Variants in DAB2IP observed in about 807,000 individuals in gnomAD.
DAB2IP encodes DAB2 interacting protein.
A neutral mutation model predicts 107.2 loss-of-function variants in DAB2IP; 28 were observed. The observed-to-expected ratio is 0.26, with a 90% CI of 0.19 to 0.36. The LOEUF (loss-of-function observed/expected upper bound fraction) is 0.36. Among genes scored for constraint, DAB2IP ranks in the 10% least tolerant of loss-of-function variants. The pLI, the probability that DAB2IP is intolerant of heterozygous loss-of-function variation, is 1.00. For synonymous variants in DAB2IP, 755 were observed against 706.4 expected (o/e 1.07, Z -1.09); for missense variants, 1,400 against 1,644.7 (o/e 0.85, Z 2.57).
intron 1 of DAB2IP, among the ~76,000 whole-genome samples, chr9:121,585,117 C>A (rs180809297): frequency 6.6e-5 from 10 of 152,294 alleles, no homozygotes; most frequent in African/African-American, 2.4e-4. Flanking sequence ...CCAACTCCTC[C>A]ATTTATCTAC....
chr9:121,599,031 C>A lies in DAB2IP; in HGVS notation c.40+31803C>A, dbSNP rs772384546. 4.6e-5 allele frequency among the ~76,000 whole-genome samples: 7 copies of A among 152,144 alleles called. No individual in the cohort carries two copies. The highest frequency in any genetic ancestry group is 1.3e-4 in the Admixed American group (2 of 15,284). ...CTTCCCTGTGACACCCCGCACTGTCCCCTTCCCAAGCTCTAGTTCCCCCCA... is the reference window on the plus strand; with the variant it reads ...CTTCCCTGTGACACCCCGCACTGTCACCTTCCCAAGCTCTAGTTCCCCCCA... On this transcript the variant is annotated intron_variant, in intron 1 of 16. Transcript: ENST00000259371. This position sits in a 1 kb window ranked among gnomAD's most constrained non-coding sequence, Gnocchi z 6.9.
chr9:121,670,107 C>A (rs573321433), intron 1 of DAB2IP, among the ~76,000 whole-genome samples: 1 of 152,306 alleles, frequency 6.6e-6, no homozygotes, highest in South Asian at 2.1e-4. Context: ...CTGGCAACCA[C>A]TAATCCGTTT....
chr9:121,604,201 G>A lies in DAB2IP; in HGVS notation c.40+36973G>A, dbSNP rs114308472. 4.5e-3 allele frequency among the ~76,000 whole-genome samples: 683 copies of A among 152,288 alleles called. 8 individuals carry two copies. The highest frequency in any genetic ancestry group is 0.016 in the African/African-American group (656 of 41,554). On this transcript the variant is annotated intron_variant, in intron 1 of 16. Transcript: ENST00000259371. ...GGGTAGTCTTGACCAGGAGACAAGG[G>A]GGACATGTAAGAGCCTTGTCTCCCT...
In DAB2IP at chr9:121,782,295, T is replaced by C. The variant is rs749813813; in HGVS notation, c.3403-36T>C. ...GGTATACACAGCCCTAAGGAGCCTGTCCCATGACCCCCGCTCACATCCCCA... is the reference window on the plus strand; with the variant it reads ...GGTATACACAGCCCTAAGGAGCCTGCCCCATGACCCCCGCTCACATCCCCA... On this transcript the variant is annotated intron_variant, in intron 15 of 15. Coordinates refer to ENST00000408936, the Ensembl canonical transcript of DAB2IP. The surrounding 1 kb of genome is among the most constrained non-coding windows in gnomAD (Gnocchi z 6.1). 1 of 1,602,286 alleles carries C rather than the reference T, an allele frequency of 6.2e-7. No homozygotes were observed. The highest frequency in any genetic ancestry group is 1.1e-5 in the South Asian group (1 of 90,054).
intron 3 of DAB2IP, among the ~76,000 whole-genome samples, chr9:121,709,850 A>C (rs1830247686): frequency 6.6e-6 from 1 of 152,192 alleles, no homozygotes; most frequent in Non-Finnish European, 1.5e-5. Flanking sequence ...AGCCAGGATT[A>C]GCCTCAGGTT....
At chr9:121,685,586 G>T (rs1828832620) in intron 2 of DAB2IP, among the ~76,000 whole-genome samples, 2 of 152,268 alleles carry the variant, frequency 1.3e-5, no homozygotes. Context: ...GTAGGGGCAG[G>T]AGCCCAGCTC....
At position 121,699,258 on chromosome 9, in the gene DAB2IP, G is replaced by C; in HGVS notation, c.229-67G>C. 3 of 1,204,992 alleles carry C rather than the reference G, an allele frequency of 2.5e-6. No homozygotes were observed. Among genetic ancestry groups the C allele is most frequent in the Non-Finnish European group, 3.1e-6 (3 of 956,128 alleles). 74.6% of individuals were successfully genotyped at this position (1,204,992 alleles called of 1,614,324 possible). ...CCCAGCAAGGGTGCGGGTCCCGCGC[G>C]GGTCCCGGCCCGCCGCCGCCGCGCT... On this transcript the variant is annotated intron_variant, in intron 2 of 15. Coordinates refer to ENST00000408936, the Ensembl canonical transcript of DAB2IP. This position sits in a 1 kb window ranked among gnomAD's most constrained non-coding sequence, Gnocchi z 6.2.
intron 1 of DAB2IP, among the ~76,000 whole-genome samples, chr9:121,607,959 G>A (rs1321238496): frequency 3.9e-5 from 6 of 152,260 alleles, no homozygotes; most frequent in Non-Finnish European, 5.9e-5. Flanking sequence ...CCTGGCCAGA[G>A]CAGGGACCTC....
intron 3 of DAB2IP, chr9:121,737,509 G>A: frequency 1.0e-6 from 1 of 985,432 alleles, no homozygotes. Flanking sequence ...GTCCAGAAGA[G>A]CTGCCTGGGT....
At chr9:121,740,338 C>T (rs1303615630) in intron 3 of DAB2IP, among the ~76,000 whole-genome samples, 2 of 152,166 alleles carry the variant, frequency 1.3e-5, no homozygotes, top group African/African-American at 4.8e-5. Context: ...TGCCCTGTCA[C>T]GTTTTTGGAC....
chr9:121,619,920 A>G (rs569179059), intron 1 of DAB2IP, among the ~76,000 whole-genome samples: 3 of 101,378 alleles, frequency 3.0e-5, no homozygotes, highest in Non-Finnish European at 4.4e-5. Flanking sequence ...CCCTAAGAAG[A>G]GAACCCCTAT....
chr9:121,584,060 C>G (rs1294006230), intron 1 of DAB2IP, among the ~76,000 whole-genome samples: 1 of 152,042 alleles, frequency 6.6e-6, no homozygotes, highest in Non-Finnish European at 1.5e-5. Flanking sequence ...GCCTGTAATC[C>G]CAGCTACTCG....
rs1391968357 is a variant in DAB2IP, at chr9:121,782,950, C to G, written c.*452C>G. 9.8e-7 allele frequency: 1 copy of G among 1,020,364 alleles called. No individual in the cohort carries two copies. The highest frequency in any genetic ancestry group is 1.7e-5 in the African/African-American group (1 of 58,508). 63.2% of individuals were successfully genotyped at this position (1,020,364 alleles called of 1,614,324 possible). On this transcript the variant is annotated 3_prime_UTR_variant, in exon 16 of 16. Transcript: ENST00000408936. The surrounding 1 kb of genome is among the most constrained non-coding windows in gnomAD (Gnocchi z 6.1). The stretch of plus-strand genomic sequence containing the variant: ...GCCTCCTTGGGGGGCCCGGGACTCC[C>G]TGGCAGCCAGGCCCTGTCATGTGGG...
At chr9:121,632,837 G>C (rs2797351) in intron 1 of DAB2IP, among the ~76,000 whole-genome samples, 95,285 of 151,744 alleles carry the variant, frequency 0.63, 31,739 homozygotes, top group African/African-American at 0.85. Context: ...AGAGGAATGC[G>C]GTGGGCAAGG....
At chr9:121,593,514 C>T (rs1830456897) in intron 1 of DAB2IP, among the ~76,000 whole-genome samples, 1 of 151,994 alleles carries the variant, frequency 6.6e-6, no homozygotes, top group Non-Finnish European at 1.5e-5. Context: ...TCAAGCGATC[C>T]TCCTGTCCTG....
chr9:121,575,097 T>C lies in DAB2IP; in HGVS notation c.40+7869T>C, dbSNP rs1274369704. On this transcript the variant is annotated intron_variant, in intron 1 of 16. Coordinates refer to the DAB2IP transcript ENST00000259371. ...CAGGATAAAGCTCAAGAGAGAAGAG[T>C]TGGTTTCCCCAGAGAGAGGGACAGG... is the stretch of plus-strand genomic sequence containing the variant. 2.6e-5 allele frequency: 4 copies of C among 151,780 alleles called. No homozygotes were observed. The East Asian group carries it at 7.7e-4, about 29-fold the overall frequency. 9.4% of individuals were successfully genotyped at this position (151,780 alleles called of 1,614,324 possible).
chr9:121,699,205 G>T lies in DAB2IP; in HGVS notation c.229-120G>T, dbSNP rs921080529. 11 of 979,980 alleles carry T rather than the reference G, an allele frequency of 1.1e-5. No individual in the cohort carries two copies. The South Asian group carries it at 3.7e-4, about 33-fold the overall frequency. The allele number at this position is 979,980 out of a possible 1,614,324, so 60.7% of individuals were successfully genotyped here. ...CGCGAGCTGCTGGGGCCGAGCCCGA[G>T]CCCGGCCCGCCCTCGGCCGCGCGGC... On this transcript the variant is annotated intron_variant, in intron 2 of 15. Coordinates refer to ENST00000408936, the Ensembl canonical transcript of DAB2IP. This position sits in a 1 kb window ranked among gnomAD's most constrained non-coding sequence, Gnocchi z 6.2.
intron 1 of DAB2IP, 58 bp from the exon 2 acceptor site, chr9:121,678,620 C>T: frequency 7.2e-7 from 1 of 1,382,968 alleles, no homozygotes; most frequent in Non-Finnish European, 9.6e-7. Context: ...GGCAGGAGGC[C>T]CTAGCTGTGT....
At chr9:121,576,586 T>C (rs585260) in intron 1 of DAB2IP, among the ~76,000 whole-genome samples, 87,597 of 151,908 alleles carry the variant, frequency 0.58, 26,068 homozygotes, top group Middle Eastern at 0.69. Context: ...TGCTTTACTG[T>C]TTGTCCCCAT....
Sources: gnomAD v4.1 joint callset for allele counts (sites outside exome capture counted in the v4.1 genomes callset) on GRCh38, gnomAD v4.1.1 for gene constraint, Gnocchi (gnomAD v3.1) non-coding constraint, MANE v1.5 for transcripts, NCBI Gene and HGNC (gene_info 2026-07-23, HGNC 2026-07-21) for gene names.